Variants in TARP observed in about 807,000 individuals in gnomAD.
the TARP span, among the ~76,000 whole-genome samples, chr7:38,269,857 T>C: frequency 6.6e-6 from 1 of 151,994 alleles, no homozygotes; most frequent in Non-Finnish European, 1.5e-5. Context: ...TCCAGCACTT[T>C]GGGAGGCTGA....
At chr7:38,262,187 A>C in the TARP span, 1 of 1,612,754 alleles carries the variant, frequency 6.2e-7, no homozygotes, top group Non-Finnish European at 8.5e-7. Context: ...CATCTTTTGA[A>C]CAATTGTCTT....
At chr7:38,266,012 A>G in the TARP span, among the ~76,000 whole-genome samples, 8 of 151,364 alleles carry the variant, frequency 5.3e-5, no homozygotes, top group East Asian at 1.5e-3. Context: ...AAAGTTCATG[A>G]GCATATTTAT....
chr7:38,260,132 G>A, the TARP span: 30 of 1,597,400 alleles, frequency 1.9e-5, no homozygotes, highest in Non-Finnish European at 2.4e-5. Flanking sequence ...CTTCTAAGCA[G>A]ACAGCAGGTG....
chr7:38,261,874 AAAAAAAAAAAAAG>A, the TARP span, among the ~76,000 whole-genome samples: 12 of 149,190 alleles, frequency 8.0e-5, no homozygotes, highest in Non-Finnish European at 1.8e-4. Flanking sequence ...TCTGTCCAAA[AAAAAAAAAAAAAG>A]AAAAGAAAAA....
the TARP span, among the ~76,000 whole-genome samples, chr7:38,261,597 G>T: frequency 6.6e-6 from 1 of 151,478 alleles, no homozygotes; most frequent in Non-Finnish European, 1.5e-5. Context: ...ACAGGAGGCC[G>T]GGCACAGTGA....
At chr7:38,270,784 G>T in the TARP span, among the ~76,000 whole-genome samples, 1 of 150,918 alleles carries the variant, frequency 6.6e-6, no homozygotes, top group African/African-American at 2.4e-5. Flanking sequence ...GATGCCCATA[G>T]CACTGATGCA....
chr7:38,265,567 A>G, the TARP span: 11 of 1,612,214 alleles, frequency 6.8e-6, no homozygotes, highest in Middle Eastern at 5.0e-4. Context: ...AACATCAGGG[A>G]AAAATTTCTC....
the TARP span, among the ~76,000 whole-genome samples, chr7:38,263,324 A>G: frequency 8.5e-5 from 13 of 152,054 alleles, no homozygotes; most frequent in South Asian, 2.1e-4. Flanking sequence ...GCCGAGAATC[A>G]TATCAGCAAA....
At chr7:38,272,906 C>A in the TARP span, among the ~76,000 whole-genome samples, 4 of 151,014 alleles carry the variant, frequency 2.6e-5, no homozygotes, top group Non-Finnish European at 4.4e-5. Context: ...AGATCTCAAC[C>A]ACTAAGGAAT....
At chr7:38,264,396 G>C in the TARP span, among the ~76,000 whole-genome samples, 1 of 151,622 alleles carries the variant, frequency 6.6e-6, no homozygotes, top group South Asian at 2.1e-4. Flanking sequence ...TTTGAGACCA[G>C]CCTGGCCAAC....
the TARP span, among the ~76,000 whole-genome samples, chr7:38,263,437 T>C: frequency 6.6e-6 from 1 of 151,828 alleles, no homozygotes; most frequent in Non-Finnish European, 1.5e-5. Flanking sequence ...TAGAAAGTTA[T>C]TTATAAAGAG....
the TARP span, among the ~76,000 whole-genome samples, chr7:38,263,693 A>G: frequency 3.3e-5 from 5 of 151,788 alleles, no homozygotes; most frequent in Non-Finnish European, 7.4e-5. Context: ...ACATACTTTA[A>G]AACAGAAGAA....
At chr7:38,271,570 T>G in the TARP span, among the ~76,000 whole-genome samples, 2 of 151,588 alleles carry the variant, frequency 1.3e-5, no homozygotes, top group South Asian at 4.2e-4. Context: ...CAAAGAAATT[T>G]ATCACGGATT....
the TARP span, chr7:38,265,745 G>C: frequency 1.1e-5 from 13 of 1,180,718 alleles, no homozygotes; most frequent in African/African-American, 1.3e-4. Flanking sequence ...GCACAGTTTG[G>C]AGTGGCCTAG....
chr7:38,260,877 G>A, the TARP span, among the ~76,000 whole-genome samples: 1 of 151,782 alleles, frequency 6.6e-6, no homozygotes. Flanking sequence ...CTAAGTCAGA[G>A]CCCCTTGGTA....
the TARP span, among the ~76,000 whole-genome samples, chr7:38,262,755 T>G: frequency 1.3e-5 from 2 of 151,478 alleles, no homozygotes; most frequent in South Asian, 2.1e-4. Flanking sequence ...CCCAGGCTCA[T>G]GAGATCCTCC....
the TARP span, among the ~76,000 whole-genome samples, chr7:38,264,749 G>C: frequency 3.3e-5 from 5 of 151,704 alleles, no homozygotes; most frequent in Middle Eastern, 0.01. Flanking sequence ...AAGCACAGTG[G>C]TAAGACTACC....
At chr7:38,269,760 T>G in the TARP span, among the ~76,000 whole-genome samples, 6 of 152,020 alleles carry the variant, frequency 3.9e-5, no homozygotes, top group Non-Finnish European at 7.4e-5. Context: ...CTACCAGCAC[T>G]GAAGTGAGAC....
chr7:38,263,740 CTAG>C, the TARP span, among the ~76,000 whole-genome samples: 1 of 151,476 alleles, frequency 6.6e-6, no homozygotes. Context: ...TATTATTTTT[CTAG>C]TAGATGTGTT....
Sources: allele counts gnomAD v4.1 joint callset (sites outside exome capture counted in the v4.1 genomes callset), GRCh38; gene constraint gnomAD v4.1.1; transcripts MANE v1.5.